Variants in CEP85L observed in about 807,000 individuals in gnomAD.
The protein encoded by CEP85L is centrosomal protein 85L, also known as centrosomal protein of 85 kDa-like.
In CEP85L, 60 loss-of-function variants were observed where a neutral mutation model predicts 100.3. The ratio of observed to expected loss-of-function variants is 0.60; its 90% CI spans 0.49 to 0.74. The LOEUF (loss-of-function observed/expected upper bound fraction) is 0.74. CEP85L is among the 30% of genes least tolerant of loss of function. The pLI is 0.00. For missense variants in CEP85L, 973 were observed against 936.2 expected, an observed-to-expected ratio of 1.04 and a Z score of -0.51; for synonymous variants, 319 against 322.7, an observed-to-expected ratio of 0.99 and a Z score of 0.12.
intron 1 of CEP85L, among the ~76,000 whole-genome samples, chr6:118,659,158 AAC>A (rs1267948238): frequency 1.2e-4 from 19 of 152,198 alleles, no homozygotes; most frequent in Non-Finnish European, 2.8e-4. Flanking sequence ...CTACAATGAA[AAC>A]ACAAAGAGCC....
chr6:118,561,437 A>G (rs972291710), intron 3 of CEP85L, among the ~76,000 whole-genome samples: 1 of 152,166 alleles, frequency 6.6e-6, no homozygotes, highest in Non-Finnish European at 1.5e-5. Context: ...ACAGAATACT[A>G]TAACTCAAAT....
intron 4 of CEP85L, among the ~76,000 whole-genome samples, chr6:118,515,647 A>G (rs1044315675): frequency 2.6e-5 from 4 of 152,244 alleles, no homozygotes; most frequent in East Asian, 1.9e-4. Flanking sequence ...AAATAACTTT[A>G]GGGTCAAAGA....
intron 12 of CEP85L, among the ~76,000 whole-genome samples, chr6:118,468,585 T>C (rs1055428896): frequency 1.9e-4 from 29 of 152,216 alleles, no homozygotes; most frequent in African/African-American, 5.5e-4. Context: ...CAGGTACGCA[T>C]GACAAAGGCA....
chr6:118,648,636 G>A (rs1775354736), intron 1 of CEP85L, among the ~76,000 whole-genome samples: 1 of 151,866 alleles, frequency 6.6e-6, no homozygotes, highest in Non-Finnish European at 1.5e-5. Context: ...CAGCTACTCG[G>A]GAGGCTGAGG....
intron 10 of CEP85L, among the ~76,000 whole-genome samples, chr6:118,471,079 C>T (rs1213018775): frequency 6.6e-6 from 1 of 151,778 alleles, no homozygotes; most frequent in East Asian, 1.9e-4. Flanking sequence ...TGATATCATC[C>T]CTATTTTCTA....
Position 118,491,827 on chromosome 6 carries a change from T to C in CEP85L, c.1296A>G (p.Ser432=), listed in dbSNP as rs374223987. The C allele has an allele frequency of 9.3e-6, 15 of 1,612,342 alleles. 1 individual carries two copies. Among genetic ancestry groups the C allele is most frequent in the African/African-American group, 1.3e-5 (1 of 74,816 alleles). ...YENTSLQTPF[S]EESVSHSQQG... ...GTTGGGAATGGGAAACTGATTCCTCTGAAAATGGTGTCTGGAGTGAAGTGT... is the reference window on the plus strand; with the variant it reads ...GTTGGGAATGGGAAACTGATTCCTCCGAAAATGGTGTCTGGAGTGAAGTGT... Residue 432 remains serine, a synonymous_variant, in exon 6 of 13, where the codon TCA becomes TCG. Transcript: ENST00000368491.
intron 4 of CEP85L, among the ~76,000 whole-genome samples, chr6:118,522,942 A>C (rs1279841141): frequency 6.6e-6 from 1 of 152,176 alleles, no homozygotes; most frequent in African/African-American, 2.4e-5. Flanking sequence ...GGTCTAGTTT[A>C]TATTCCAGTA....
chr6:118,600,457 G>C (rs866587903), intron 2 of CEP85L, among the ~76,000 whole-genome samples: 52 of 150,816 alleles, frequency 3.4e-4, no homozygotes, highest in African/African-American at 1.2e-3. Context: ...GCTGTAGGTG[G>C]GACTCAGGCA....
chr6:118,663,439 T>C lies in CEP85L; in HGVS notation c.-27-10631A>G, dbSNP rs1019844234. The stretch of plus-strand genomic sequence containing the variant: ...GCAGCCTTTAAAGAAATATTTATGA[T>C]GGCTATGTAGCAATTTGAGTAATGA... On this transcript the variant is annotated intron_variant, in intron 1 of 13. Coordinates refer to the CEP85L transcript ENST00000368488. Among the ~76,000 whole-genome samples, 24 of 152,230 alleles carry C rather than the reference T, an allele frequency of 1.6e-4. 2 individuals carry two copies. Among genetic ancestry groups the C allele is most frequent in the African/African-American group, 5.8e-4 (24 of 41,462 alleles).
rs757423340 is a variant in CEP85L at position 118,632,586 on chromosome 6, T to C, written c.99A>G (p.Leu33=). 2.5e-6 allele frequency: 4 copies of C among 1,611,732 alleles called. No homozygotes were observed. The highest frequency in any genetic ancestry group is 2.2e-5 in the South Asian group (2 of 90,246). The part of the protein sequence containing the change: ...PAGPDYSSAW[L]PANESLWQAT... ...CCTGCCACAATGATTCATTAGCAGG[T>C]AGCCATGCTGATGAATAATCTGGGC... Residue 33 remains leucine, a synonymous_variant, in exon 2 of 13, where the codon CTA becomes CTG. Transcript: ENST00000368491.
intron 1 of CEP85L, among the ~76,000 whole-genome samples, chr6:118,693,129 A>T (rs1196236049): frequency 6.6e-6 from 1 of 152,194 alleles, no homozygotes; most frequent in African/African-American, 2.4e-5. Context: ...ATAATAGTCC[A>T]ATGATAAATT....
intron 1 of CEP85L, among the ~76,000 whole-genome samples, chr6:118,648,812 G>C (rs1245566980): frequency 6.8e-6 from 1 of 147,962 alleles, no homozygotes; most frequent in South Asian, 2.2e-4. Flanking sequence ...TTATATATTT[G>C]TATAAACAAA....
At chr6:118,696,531 G>C (rs1381948651) in intron 1 of CEP85L, among the ~76,000 whole-genome samples, 1 of 152,182 alleles carries the variant, frequency 6.6e-6, no homozygotes, top group South Asian at 2.1e-4. Context: ...CCATATTGTT[G>C]AGCTTGTGCA....
At position 118,680,692 on chromosome 6, in the gene CEP85L, C is replaced by T. The variant is rs1022197535; in HGVS notation, c.-27-27884G>A. Among the ~76,000 whole-genome samples the T allele has an allele frequency of 2.1e-5, 3 of 145,956 alleles. 1 individual carries two copies. Among genetic ancestry groups the T allele is most frequent in the African/African-American group, 7.6e-5 (3 of 39,558 alleles). On this transcript the variant is annotated intron_variant, in intron 1 of 13. Transcript: ENST00000368488. ...AGGAGTTGGAGACCGGCCTGGGCAA[C>T]ATGGCAAAACCCTGCCTCTACAAAA...
chr6:118,623,043 C>T (rs1773555168), intron 2 of CEP85L, among the ~76,000 whole-genome samples: 2 of 152,236 alleles, frequency 1.3e-5, no homozygotes, highest in Non-Finnish European at 2.9e-5. Flanking sequence ...GAAAGGTGCT[C>T]ATACCTGAAG....
rs1325599817 is a variant in CEP85L, at chr6:118,463,077, CCTA to C, written c.*2325_*2327del. ...GCATCAGCAGTAGTTTTGTTAACTT[CCTA>C]CTAAGTCAGAAATTTTTTAACTTTG... On this transcript the variant is annotated 3_prime_UTR_variant, in exon 13 of 13. Transcript: ENST00000368491. 3 of 151,744 alleles carry C rather than the reference CCTA, an allele frequency of 2.0e-5. No individual in the cohort carries two copies. Among genetic ancestry groups the C allele is most frequent in the Non-Finnish European group, 4.4e-5 (3 of 67,814 alleles). The allele number at this position is 151,744 out of a possible 1,614,324, so 9.4% of individuals were successfully genotyped here. A position where few individuals can be genotyped will look rare whatever the true frequency, so the allele number is the denominator to read the frequency against.
chr6:118,469,403 G>A (rs1403558769), intron 11 of CEP85L, 100 bp from the exon 12 acceptor site: 11 of 857,304 alleles, frequency 1.3e-5, no homozygotes, highest in South Asian at 3.2e-5. Context: ...TAAACAAAAC[G>A]ATGGAGTCAT....
chr6:118,461,085 G>T lies in CEP85L; in HGVS notation c.*4320C>A, dbSNP rs144976925. On this transcript the variant is annotated 3_prime_UTR_variant, in exon 13 of 13. Coordinates refer to ENST00000368491, the MANE Select transcript of CEP85L (RefSeq NM_001042475.3). Reference sequence around the variant, plus strand: ...TCATGAACACTGTATTTACACATGAGGTATTCTGGGTGGTTCAAAAACTGA... The same window carrying T: ...TCATGAACACTGTATTTACACATGATGTATTCTGGGTGGTTCAAAAACTGA... 6.6e-6 allele frequency: 1 copy of T among 150,674 alleles called. No homozygotes were observed. The highest frequency in any genetic ancestry group is 2.4e-5 in the African/African-American group (1 of 41,024). 9.3% of individuals were successfully genotyped at this position (150,674 alleles called of 1,614,324 possible). A position where few individuals can be genotyped will look rare whatever the true frequency, so the allele number is the denominator to read the frequency against.
In CEP85L at chr6:118,463,958, T is replaced by C. The variant is rs922453095; in HGVS notation, c.*1447A>G. ...TATATAAGAAAACAGGCATGTGCTA[T>C]GCCCTTTATCTGGCAAGAAAACAGG... On this transcript the variant is annotated 3_prime_UTR_variant, in exon 13 of 13. Coordinates refer to ENST00000368491, the MANE Select transcript of CEP85L (RefSeq NM_001042475.3). The C allele has an allele frequency of 1.3e-5, 2 of 152,140 alleles. No homozygotes were observed. Among genetic ancestry groups the C allele is most frequent in the African/African-American group, 4.8e-5 (2 of 41,452 alleles). The allele number at this position is 152,140 out of a possible 1,614,324, so 9.4% of individuals were successfully genotyped here.
Sources: allele counts gnomAD v4.1 joint callset (sites outside exome capture counted in the v4.1 genomes callset), GRCh38; gene constraint gnomAD v4.1.1; transcripts MANE v1.5; gene names NCBI Gene and HGNC (gene_info 2026-07-23, HGNC 2026-07-21).